TAFA2: variants seen among roughly 807,000 people sequenced by gnomAD.
The protein encoded by TAFA2 is chemokine-like protein TAFA-2.
A neutral mutation model predicts 18.8 loss-of-function variants in TAFA2; 7 were observed. That is an observed-to-expected ratio of 0.37 (90% CI 0.21 to 0.70). The LOEUF is 0.70. TAFA2 is among the 30% of genes least tolerant of loss of function. The pLI is 0.53. For synonymous variants in TAFA2, 60 were observed against 54.2 expected, an observed-to-expected ratio of 1.11 and a Z score of -0.47; for missense variants, 122 against 158.1, an observed-to-expected ratio of 0.77 and a Z score of 1.23.
chr12:61,719,885 C>T lies in TAFA2; in HGVS notation c.385-9468G>A, dbSNP rs75245067. Among the ~76,000 whole-genome samples, 4 of 152,308 alleles carry T rather than the reference C, an allele frequency of 2.6e-5. No individual in the cohort carries two copies. The East Asian group carries it at 7.7e-4, about 29-fold the overall frequency. On this transcript the variant is annotated intron_variant, in intron 4 of 4. Transcript: ENST00000416284. ...ATGGAGCATTCTCTCCGCTCCATCC[C>T]TATCATCTTCCATAGAATTAAGAGA...
At chr12:61,774,285 A>G (rs1225550910) in intron 2 of TAFA2, among the ~76,000 whole-genome samples, 1 of 151,938 alleles carries the variant, frequency 6.6e-6, no homozygotes, top group Non-Finnish European at 1.5e-5. Context: ...TTAAAGAATT[A>G]AAATTAGATC....
intron 1 of TAFA2, among the ~76,000 whole-genome samples, chr12:62,090,995 T>G (rs1186500002): frequency 1.3e-5 from 2 of 152,052 alleles, no homozygotes; most frequent in Non-Finnish European, 2.9e-5. Context: ...TTTCAGAGAA[T>G]TTGAACAAAA....
rs183504388 is a variant in TAFA2 at position 61,932,332 on chromosome 12, C to A, written c.-1-64906G>T. Among the ~76,000 whole-genome samples the A allele has an allele frequency of 2.5e-3, 387 of 152,150 alleles. 2 individuals are homozygous for A. Among genetic ancestry groups the A allele is most frequent in the Middle Eastern group, 0.01 (3 of 294 alleles). On this transcript the variant is annotated intron_variant, in intron 1 of 4. Coordinates refer to ENST00000416284, the MANE Select transcript of TAFA2 (RefSeq NM_178539.5). The stretch of plus-strand genomic sequence containing the variant: ...TGAAAAGAAACTTTAAGGTAGTAAC[C>A]CTTCAGTGACAGTGATAAATAGATG...
At chr12:61,926,558 A>T (rs1877301504) in intron 1 of TAFA2, among the ~76,000 whole-genome samples, 1 of 152,196 alleles carries the variant, frequency 6.6e-6, no homozygotes, top group African/African-American at 2.4e-5. Flanking sequence ...AAATCAATAA[A>T]TGGAATCCAT....
intron 1 of TAFA2, among the ~76,000 whole-genome samples, chr12:62,199,461 T>C (rs1455045483): frequency 1.3e-5 from 2 of 152,128 alleles, no homozygotes; most frequent in Non-Finnish European, 2.9e-5. Flanking sequence ...CATGCGGTGT[T>C]TGGTGTTCTG....
chr12:62,112,523 T>C (rs1399321787), intron 1 of TAFA2, among the ~76,000 whole-genome samples: 2 of 152,178 alleles, frequency 1.3e-5, no homozygotes, highest in Non-Finnish European at 2.9e-5. Context: ...CTAATTTGAA[T>C]GTTGGCCTGT....
chr12:61,814,386 G>T (rs1276116260), intron 2 of TAFA2, among the ~76,000 whole-genome samples: 1 of 151,356 alleles, frequency 6.6e-6, no homozygotes, highest in Non-Finnish European at 1.5e-5. Flanking sequence ...AACTTAAGGA[G>T]TTGAGATTTA....
chr12:61,791,140 T>G lies in TAFA2; in HGVS notation c.107-36116A>C, dbSNP rs186145527. The stretch of plus-strand genomic sequence containing the variant: ...TCATCAATAGATGGTGCTGGGTAAT[T>G]TGTATATCCAGTTGTAGGAGAATGA... On this transcript the variant is annotated intron_variant, in intron 2 of 4. Transcript: ENST00000416284. Among the ~76,000 whole-genome samples, 526 of 151,970 alleles carry G rather than the reference T, an allele frequency of 3.5e-3. 3 individuals carry two copies. The highest frequency in any genetic ancestry group is 0.012 in the African/African-American group (494 of 41,508).
rs115498458 is a variant in TAFA2, at chr12:62,065,985, C to G, written c.-2+125274G>C. Among the ~76,000 whole-genome samples, 1,237 of 151,822 alleles carry G rather than the reference C, an allele frequency of 8.1e-3. 17 individuals are homozygous for G. The highest frequency in any genetic ancestry group is 0.028 in the African/African-American group (1,176 of 41,462). ...CATGTAGGAAAAGCTGTAGATAAAC[C>G]CTGTCATTTCTGTGTGATTAGGAAC... On this transcript the variant is annotated intron_variant, in intron 1 of 4. Coordinates refer to ENST00000416284, the MANE Select transcript of TAFA2 (RefSeq NM_178539.5).
intron 1 of TAFA2, among the ~76,000 whole-genome samples, chr12:62,205,623 A>G (rs996437173): frequency 3.9e-5 from 6 of 152,318 alleles, no homozygotes; most frequent in African/African-American, 1.4e-4. Flanking sequence ...TGCCACAGCC[A>G]CTGTGCTGCA....
intron 2 of TAFA2, among the ~76,000 whole-genome samples, chr12:61,782,395 T>C (rs760591821): frequency 6.6e-6 from 1 of 151,778 alleles, no homozygotes; most frequent in African/African-American, 2.4e-5. Flanking sequence ...TTTCTATTGA[T>C]AATAATTCTT....
At chr12:62,125,730 T>A (rs1870430210) in intron 1 of TAFA2, among the ~76,000 whole-genome samples, 1 of 152,034 alleles carries the variant, frequency 6.6e-6, no homozygotes, top group Non-Finnish European at 1.5e-5. Flanking sequence ...TAAAACACAA[T>A]CTTCAGCGTC....
intron 2 of TAFA2, among the ~76,000 whole-genome samples, chr12:61,780,020 G>T (rs1163412127): frequency 6.6e-6 from 1 of 151,770 alleles, no homozygotes; most frequent in African/African-American, 2.4e-5. Flanking sequence ...TGTGTTTGAG[G>T]ACATCAGATA....
At chr12:61,811,745 G>C (rs1871879252) in intron 2 of TAFA2, among the ~76,000 whole-genome samples, 1 of 151,264 alleles carries the variant, frequency 6.6e-6, no homozygotes, top group Non-Finnish European at 1.5e-5. Flanking sequence ...AATTCAATAG[G>C]CAGAAGCAAT....
At chr12:62,149,866 C>T (rs188462779) in intron 1 of TAFA2, among the ~76,000 whole-genome samples, 1 of 152,248 alleles carries the variant, frequency 6.6e-6, no homozygotes, top group African/African-American at 2.4e-5. Flanking sequence ...ATATGACAAA[C>T]ATTTCTGCCT....
chr12:62,217,912 T>C (rs1235836106), intron 1 of TAFA2, among the ~76,000 whole-genome samples: 1 of 152,214 alleles, frequency 6.6e-6, no homozygotes, highest in Non-Finnish European at 1.5e-5. Flanking sequence ...AAAAAAGTTT[T>C]ACTTCTGAAC....
intron 1 of TAFA2, among the ~76,000 whole-genome samples, chr12:62,156,009 C>T (rs1442933198): frequency 6.6e-6 from 1 of 152,156 alleles, no homozygotes; most frequent in Non-Finnish European, 1.5e-5. Context: ...AAACAGACAA[C>T]CCACAGAGTG....
intron 1 of TAFA2, among the ~76,000 whole-genome samples, chr12:62,148,587 C>T (rs193028612): frequency 5.8e-4 from 88 of 152,238 alleles, no homozygotes; most frequent in African/African-American, 2.1e-3. Context: ...AACTACCTAT[C>T]AGATACTATG....
chr12:61,997,948 C>A (rs994723151), intron 1 of TAFA2, among the ~76,000 whole-genome samples: 1 of 151,986 alleles, frequency 6.6e-6, no homozygotes, highest in Non-Finnish European at 1.5e-5. Flanking sequence ...AAAATGGAGA[C>A]TAATTTCTAT....
Sources: allele counts gnomAD v4.1 joint callset (sites outside exome capture counted in the v4.1 genomes callset), GRCh38; gene constraint gnomAD v4.1.1; transcripts MANE v1.5; gene names NCBI Gene and HGNC (gene_info 2026-07-23, HGNC 2026-07-21).